COPS8: variants seen among roughly 807,000 people sequenced by gnomAD.
COPS8 encodes COP9 signalosome complex subunit 8.
COPS8 carries 11 observed loss-of-function variants against 31.5 expected under a neutral mutation model. The ratio of observed to expected loss-of-function variants is 0.35; its 90% CI spans 0.22 to 0.58. The LOEUF (loss-of-function observed/expected upper bound fraction) is 0.58, where lower values mean the gene tolerates loss of function less well. Among genes scored for constraint, COPS8 ranks in the 20% least tolerant of loss-of-function variants. The pLI is 0.83. For missense variants in COPS8, 215 were observed against 255.1 expected (o/e 0.84, Z 1.07); for synonymous variants, 81 against 89.3 (o/e 0.91, Z 0.52).
chr2:237,088,147 C>T (rs746824796), intron 2 of COPS8, among the ~76,000 whole-genome samples: 2 of 152,098 alleles, frequency 1.3e-5, no homozygotes, highest in African/African-American at 2.4e-5. Flanking sequence ...GTTCAAGCCT[C>T]CAAACCCATA....
intron 4 of COPS8, chr2:237,093,709 G>A: frequency 4.1e-6 from 4 of 987,280 alleles, no homozygotes; most frequent in Non-Finnish European, 4.8e-6. Context: ...AGCTGATTAC[G>A]CAAATCAGTT....
chr2:237,086,950 C>CT (rs1696628080), intron 1 of COPS8, among the ~76,000 whole-genome samples, 177 bp from the exon 2 acceptor site: 2 of 152,186 alleles, frequency 1.3e-5, no homozygotes, highest in Non-Finnish European at 2.9e-5. Flanking sequence ...TGATACTTCT[C>CT]TAAGCTGTTT....
At chr2:237,091,950 A>G (rs560883353) in intron 4 of COPS8, among the ~76,000 whole-genome samples, 1 of 152,334 alleles carries the variant, frequency 6.6e-6, no homozygotes, top group Non-Finnish European at 1.5e-5. Context: ...TGCAACAGGC[A>G]TTGGCGGCCA....
intron 6 of COPS8, among the ~76,000 whole-genome samples, chr2:237,096,487 T>G (rs1181333532): frequency 6.6e-6 from 1 of 152,210 alleles, no homozygotes; most frequent in African/African-American, 2.4e-5. Context: ...CCAAGCTTAA[T>G]GCCCACTTCC....
intron 7 of COPS8, among the ~76,000 whole-genome samples, 187 bp from the exon 8 acceptor site, chr2:237,097,476 A>G (rs1269641150): frequency 6.6e-6 from 1 of 152,074 alleles, no homozygotes; most frequent in Non-Finnish European, 1.5e-5. Flanking sequence ...AAAAGTTGCA[A>G]CTTCTTGGCT....
chr2:237,085,997 T>C lies in COPS8; in HGVS notation c.33T>C (p.Phe11=), dbSNP rs1404042230. MPVAVMAESA[F]SFKKLLDQCE... ...TGGCGGTGATGGCGGAAAGCGCCTT[T>C]AGTTTCAAAAAGTTGCTGGATCAGT... Residue 11 remains phenylalanine (F), a synonymous_variant, in exon 1 of 8, where the codon TTT becomes TTC. Coordinates refer to ENST00000354371, the MANE Select transcript of COPS8 (RefSeq NM_006710.5). 2 of 1,613,454 alleles carry C rather than the reference T, an allele frequency of 1.2e-6. No homozygotes were observed. Among genetic ancestry groups the C allele is most frequent in the Admixed American group, 3.3e-5 (2 of 59,976 alleles).
rs571024591 is a variant in COPS8 at position 237,092,547 on chromosome 2, T to TA, written c.332-1532dup. Among the ~76,000 whole-genome samples the TA allele has an allele frequency of 6.5e-3, 958 of 147,334 alleles. 9 individuals are homozygous for TA. Among genetic ancestry groups the TA allele is most frequent in the African/African-American group, 0.021 (870 of 40,480 alleles). On this transcript the variant is annotated intron_variant, in intron 4 of 7. Coordinates refer to ENST00000354371, the MANE Select transcript of COPS8 (RefSeq NM_006710.5). ...TTTATGGTGTATACTTTTACTTCTC[T>TA]AAAAAAAAAAAGTATACTTTCCATT...
chr2:237,094,456 T>C (rs1384743531), intron 5 of COPS8, among the ~76,000 whole-genome samples: 1 of 152,142 alleles, frequency 6.6e-6, no homozygotes, highest in African/African-American at 2.4e-5. Context: ...TTGGTCTCTT[T>C]ACTCATATTT....
intron 4 of COPS8, chr2:237,093,834 T>G: frequency 8.9e-7 from 1 of 1,124,904 alleles, no homozygotes; most frequent in South Asian, 3.9e-5. Context: ...TTAGTAACCT[T>G]TTTCCATCTT....
At position 237,086,133 on chromosome 2, in the gene COPS8, G is replaced by C. The variant is rs537200820; in HGVS notation, c.78+91G>C. 2.2e-5 allele frequency: 28 copies of C among 1,266,726 alleles called. No individual in the cohort carries two copies. The East Asian group carries it at 6.1e-4, about 27-fold the overall frequency. The allele number at this position is 1,266,726 out of a possible 1,614,324, so 78.5% of individuals were successfully genotyped here. ...TCCAGGGTAACGGGGTCTGAGGCTA[G>C]CGGGCTTTGGGAGCTCACGGGGCGG... is the stretch of plus-strand genomic sequence containing the variant. On this transcript the variant is annotated intron_variant, in intron 1 of 7. Coordinates refer to ENST00000354371, the MANE Select transcript of COPS8 (RefSeq NM_006710.5).
chr2:237,086,933 T>G (rs961183473), intron 1 of COPS8, 194 bp from the exon 2 acceptor site: 3 of 458,074 alleles, frequency 6.5e-6, no homozygotes, highest in African/African-American at 2.0e-5. Flanking sequence ...CTCAGAATTT[T>G]CGTGTTTGAT....
chr2:237,099,961 A>G lies in COPS8; in HGVS notation c.*2219A>G, dbSNP rs938577664. 2 of 152,176 alleles carry G rather than the reference A, an allele frequency of 1.3e-5. No homozygotes were observed. The highest frequency in any genetic ancestry group is 2.9e-5 in the Non-Finnish European group (2 of 68,034). The allele number at this position is 152,176 out of a possible 1,614,324, so 9.4% of individuals were successfully genotyped here. A position where few individuals can be genotyped will look rare whatever the true frequency, so the allele number is the denominator to read the frequency against. On this transcript the variant is annotated 3_prime_UTR_variant, in exon 8 of 8. Coordinates refer to ENST00000354371, the MANE Select transcript of COPS8 (RefSeq NM_006710.5). Reference sequence around the variant, plus strand: ...TATATGTGTCTGTTTTTAACTCTTAATAACCTCATCACTGTACAAGAAAGG... The same window carrying G: ...TATATGTGTCTGTTTTTAACTCTTAGTAACCTCATCACTGTACAAGAAAGG...
intron 4 of COPS8, among the ~76,000 whole-genome samples, chr2:237,090,254 A>G (rs549993230): frequency 2.0e-4 from 31 of 152,210 alleles, no homozygotes; most frequent in African/African-American, 5.8e-4. Flanking sequence ...TTTTTTTGCT[A>G]TTAAAACGAG....
At chr2:237,096,727 GT>G (rs11333953) in intron 6 of COPS8, 94 bp from the exon 7 acceptor site, 196,233 of 937,916 alleles carry the variant, frequency 0.21, 29,696 homozygotes, top group African/African-American at 0.71. Context: ...ATAAATGGCC[GT>G]TAAATGCATG....
At chr2:237,094,292 A>G (rs1696756324) in intron 5 of COPS8, 95 bp downstream of exon 5, 2 of 1,203,042 alleles carry the variant, frequency 1.7e-6, no homozygotes, top group African/African-American at 1.5e-5. Context: ...GGAACAGAAT[A>G]TGCTTTTGGA....
intron 2 of COPS8, 173 bp downstream of exon 2, chr2:237,087,370 T>C (rs1474914630): frequency 3.6e-6 from 2 of 556,240 alleles, no homozygotes; most frequent in Non-Finnish European, 6.5e-6. Flanking sequence ...TATGATTAGG[T>C]CGTCATTGTC....
intron 7 of COPS8, among the ~76,000 whole-genome samples, chr2:237,097,300 A>G (rs925350397): frequency 7.6e-6 from 1 of 131,614 alleles, no homozygotes; most frequent in South Asian, 2.3e-4. Flanking sequence ...GAAGCACTCT[A>G]TTTCTTGAAT....
At chr2:237,086,839 T>A in intron 1 of COPS8, 1 of 459,018 alleles carries the variant, frequency 2.2e-6, no homozygotes, top group Non-Finnish European at 3.0e-6. Flanking sequence ...GGGAAGGGGA[T>A]CCACTTACAT....
intron 6 of COPS8, 139 bp downstream of exon 6, chr2:237,096,023 G>A (rs1018943978): frequency 1.8e-5 from 11 of 620,850 alleles, no homozygotes; most frequent in Middle Eastern, 2.8e-4. Context: ...TAAATAAAGC[G>A]TAGTAGACGG....
Sources: allele counts gnomAD v4.1 joint callset (sites outside exome capture counted in the v4.1 genomes callset), GRCh38; gene constraint gnomAD v4.1.1; transcripts MANE v1.5; gene names NCBI Gene and HGNC (gene_info 2026-07-23, HGNC 2026-07-21).